The following IQCM variants were observed in gnomAD, a reference collection of about 807,000 sequenced individuals.
The protein encoded by IQCM is IQ domain-containing protein M.
Under a neutral mutation model 57.6 loss-of-function variants are expected in IQCM, and 45 were observed. That is an observed-to-expected ratio of 0.78 (90% confidence interval 0.62 to 1.00). IQCM has a LOEUF of 1.00. IQCM is among the 50% of genes least tolerant of loss of function. The probability of loss-of-function intolerance (pLI) is 0.00; values close to 1 mark genes in which losing one functional copy is unlikely to be tolerated. For synonymous variants in IQCM, 148 were observed against 158.9 expected, an observed-to-expected ratio of 0.93 and a Z score of 0.51; for missense variants, 468 against 511.6, an observed-to-expected ratio of 0.91 and a Z score of 0.82.
chr4:149,734,899 A>G (rs1358416359), intron 4 of IQCM, among the ~76,000 whole-genome samples: 1 of 152,198 alleles, frequency 6.6e-6, no homozygotes, highest in African/African-American at 2.4e-5. Context: ...ACAGCATTCA[A>G]AAAATATTCT....
In IQCM at chr4:149,369,032, A is replaced by ACGTGTATATATATATATATACACG. The variant is rs369991334; in HGVS notation, c.1391-16967_1391-16966insCGTGTATATATATATATATACACG. On this transcript the variant is annotated intron_variant, in intron 13 of 13. Coordinates refer to ENST00000636793, the MANE Select transcript of IQCM (RefSeq NM_001363507.2). ...TACACGTGTATATATATATATATAC[A>ACGTGTATATATATATATATACACG]TGTGTATATATATATATGTATTTTT... 6.9e-3 allele frequency among the ~76,000 whole-genome samples: 433 copies of ACGTGTATATATATATATATACACG among 63,028 alleles called. 43 individuals are homozygous for ACGTGTATATATATATATATACACG. The highest frequency in any genetic ancestry group is 0.013 in the Non-Finnish European group (364 of 28,874). 41.3% of individuals were successfully genotyped at this position (63,028 alleles called of 152,430 possible). A position where few individuals can be genotyped will look rare whatever the true frequency, so the allele number is the denominator to read the frequency against.
chr4:149,675,267 G>A lies in IQCM; in HGVS notation c.565+6851C>T, dbSNP rs1356843678. The stretch of plus-strand genomic sequence containing the variant: ...ATACAAATCAATAGATTACTATAAG[G>A]AGAGGATATAGTTTGATGACATGAG... On this transcript the variant is annotated intron_variant, in intron 7 of 13. Transcript: ENST00000636793. Among the ~76,000 whole-genome samples, 3 of 152,012 alleles carry A rather than the reference G, an allele frequency of 2.0e-5. No homozygotes were observed. In the East Asian group the frequency reaches 5.8e-4, roughly 29 times the overall value.
intron 12 of IQCM, among the ~76,000 whole-genome samples, chr4:149,438,875 G>A (rs1345273515): frequency 6.6e-6 from 1 of 151,918 alleles, no homozygotes; most frequent in African/African-American, 2.4e-5. Flanking sequence ...AAAAATAAAT[G>A]CTAGGACCAC....
At position 149,755,870 on chromosome 4, in the gene IQCM, C is replaced by G. The variant is rs150649211; in HGVS notation, c.-48-13131G>C. On this transcript the variant is annotated intron_variant, in intron 2 of 13. Transcript: ENST00000636793. ...CTTGTAAGCCTGGTGCCTAAATACC[C>G]GCCATGCAATCCTCTATGCTCTTTC... is the stretch of plus-strand genomic sequence containing the variant. 1.2e-3 allele frequency among the ~76,000 whole-genome samples: 189 copies of G among 152,140 alleles called. 1 individual carries two copies. Among genetic ancestry groups the G allele is most frequent in the African/African-American group, 4.3e-3 (178 of 41,474 alleles).
rs115613371 is a variant in IQCM at position 149,744,894 on chromosome 4, C to G, written c.-48-2155G>C. On this transcript the variant is annotated intron_variant, in intron 2 of 13. Transcript: ENST00000636793. ...ATGCAAACAACATGCAAAAAGTATG[C>G]CAGATGTCATAAGGAAATCTGTGAG... is the stretch of plus-strand genomic sequence containing the variant. 7.5e-3 allele frequency among the ~76,000 whole-genome samples: 1,139 copies of G among 152,122 alleles called. 19 individuals carry two copies. The highest frequency in any genetic ancestry group is 0.025 in the African/African-American group (1,041 of 41,510).
intron 7 of IQCM, among the ~76,000 whole-genome samples, chr4:149,636,133 T>C (rs910180328): frequency 3.9e-5 from 6 of 152,166 alleles, no homozygotes; most frequent in Non-Finnish European, 8.8e-5. Flanking sequence ...GTTTTTCAGC[T>C]AGAGTGCTAT....
At chr4:149,574,247 A>G (rs1196155644) in intron 9 of IQCM, among the ~76,000 whole-genome samples, 1 of 151,970 alleles carries the variant, frequency 6.6e-6, no homozygotes, top group Non-Finnish European at 1.5e-5. Flanking sequence ...TTTTAAATTT[A>G]TCTTTCTTTA....
intron 12 of IQCM, among the ~76,000 whole-genome samples, chr4:149,546,060 C>A (rs1164862358): frequency 6.6e-6 from 1 of 152,114 alleles, no homozygotes; most frequent in Non-Finnish European, 1.5e-5. Flanking sequence ...TGAGTGAGAA[C>A]ATGCGGTGTT....
At chr4:149,484,970 C>T (rs1341844068) in intron 12 of IQCM, among the ~76,000 whole-genome samples, 1 of 152,034 alleles carries the variant, frequency 6.6e-6, no homozygotes, top group Non-Finnish European at 1.5e-5. Context: ...ATATACTAAT[C>T]TAGGGTAAAA....
At chr4:149,629,838 C>G (rs1579768986) in intron 7 of IQCM, among the ~76,000 whole-genome samples, 1 of 152,206 alleles carries the variant, frequency 6.6e-6, no homozygotes, top group East Asian at 1.9e-4. Context: ...CTAAATTGCA[C>G]TCATTTTTTT....
At chr4:149,590,724 G>C (rs1200764016) in intron 8 of IQCM, among the ~76,000 whole-genome samples, 1 of 151,978 alleles carries the variant, frequency 6.6e-6, no homozygotes, top group Admixed American at 6.6e-5. Flanking sequence ...TTCCTGTGTT[G>C]GTTTGCTGAG....
At chr4:149,427,848 T>G (rs1224765410) in intron 13 of IQCM, among the ~76,000 whole-genome samples, 1 of 151,904 alleles carries the variant, frequency 6.6e-6, no homozygotes, top group African/African-American at 2.4e-5. Context: ...GATGGCAGTG[T>G]ATAGTGGATA....
chr4:149,364,281 G>A (rs1238955150), intron 13 of IQCM, among the ~76,000 whole-genome samples: 4 of 152,044 alleles, frequency 2.6e-5, no homozygotes, highest in Non-Finnish European at 5.9e-5. Context: ...TATTGAAGGG[G>A]GCTATAGCAA....
chr4:149,547,384 G>A (rs1348933988), intron 12 of IQCM, among the ~76,000 whole-genome samples: 4 of 152,188 alleles, frequency 2.6e-5, no homozygotes, highest in Non-Finnish European at 5.9e-5. Flanking sequence ...AGTTAAATAA[G>A]CCAGATATGG....
intron 13 of IQCM, among the ~76,000 whole-genome samples, chr4:149,414,855 T>C (rs1030153585): frequency 2.6e-5 from 4 of 152,048 alleles, no homozygotes; most frequent in Non-Finnish European, 2.9e-5. Context: ...TTGATTTTTA[T>C]AGGACGATAA....
intron 2 of IQCM, among the ~76,000 whole-genome samples, chr4:149,744,388 A>G (rs1174765324): frequency 6.6e-6 from 1 of 152,130 alleles, no homozygotes; most frequent in African/African-American, 2.4e-5. Context: ...GGAAATAAAA[A>G]TGTTTTGTGC....
intron 8 of IQCM, among the ~76,000 whole-genome samples, chr4:149,593,229 G>A (rs907267682): frequency 2.0e-5 from 3 of 152,058 alleles, no homozygotes; most frequent in African/African-American, 7.3e-5. Flanking sequence ...TTGTGAATGG[G>A]AGTTCACTCA....
intron 12 of IQCM, among the ~76,000 whole-genome samples, chr4:149,517,824 C>T (rs2149822557): frequency 6.6e-6 from 1 of 152,240 alleles, no homozygotes; most frequent in African/African-American, 2.4e-5. Flanking sequence ...ATGCTTCCTG[C>T]CCTGGAACAC....
At chr4:149,511,120 A>G (rs1317043896) in intron 12 of IQCM, among the ~76,000 whole-genome samples, 1 of 152,188 alleles carries the variant, frequency 6.6e-6, no homozygotes, top group Non-Finnish European at 1.5e-5. Context: ...TCTCAGCTTC[A>G]TTCTGACATG....
Sources: allele counts gnomAD v4.1 joint callset (sites outside exome capture counted in the v4.1 genomes callset), GRCh38; gene constraint gnomAD v4.1.1; transcripts MANE v1.5; gene names NCBI Gene and HGNC (gene_info 2026-07-23, HGNC 2026-07-21).